KCNMB2: variants seen among roughly 807,000 people sequenced by gnomAD.
KCNMB2 encodes potassium calcium-activated channel subfamily M regulatory beta subunit 2, also known as calcium-activated potassium channel subunit beta-2.
KCNMB2 carries 9 observed loss-of-function variants against 24.5 expected under a neutral mutation model. The ratio of observed to expected loss-of-function variants is 0.37; its 90% CI spans 0.22 to 0.64. KCNMB2 has a LOEUF of 0.64. Among genes scored for constraint, KCNMB2 ranks in the 30% least tolerant of loss-of-function variants. The pLI is 0.63. For missense variants in KCNMB2, 226 were observed against 284.3 expected (o/e 0.79, Z 1.47); for synonymous variants, 109 against 104.4 (o/e 1.04, Z -0.27).
intron 2 of KCNMB2, among the ~76,000 whole-genome samples, chr3:178,811,754 A>T (rs1285564115): frequency 6.6e-6 from 1 of 152,230 alleles, no homozygotes; most frequent in Non-Finnish European, 1.5e-5. Context: ...TCAAAAGTAC[A>T]CGCAGCTTTA....
At chr3:178,823,182 A>G (rs1309313456) in intron 2 of KCNMB2, among the ~76,000 whole-genome samples, 1 of 152,218 alleles carries the variant, frequency 6.6e-6, no homozygotes, top group Admixed American at 6.5e-5. Flanking sequence ...TAAATCCTAG[A>G]ATTTCCAAAC....
At chr3:178,670,323 A>G (rs886375455) in intron 1 of KCNMB2, among the ~76,000 whole-genome samples, 2 of 152,142 alleles carry the variant, frequency 1.3e-5, no homozygotes, top group African/African-American at 2.4e-5. Context: ...ACTAGATATC[A>G]TTAACACCAG....
Position 178,615,843 on chromosome 3 carries a change from T to C in KCNMB2, c.-68+79132T>C, listed in dbSNP as rs780819305. Among the ~76,000 whole-genome samples the C allele has an allele frequency of 1.0e-3, 159 of 152,266 alleles. 1 individual carries two copies. Among genetic ancestry groups the C allele is most frequent in the Admixed American group, 9.8e-4 (15 of 15,300 alleles). ...GCCTTGATACAGTACCTGAGTATCA[T>C]TGCTTGTTATTCAGGGCCCAAGGCT... On this transcript the variant is annotated intron_variant, in intron 1 of 4. Coordinates refer to ENST00000452583, the MANE Select transcript of KCNMB2 (RefSeq NM_181361.3).
chr3:178,766,332 T>G (rs1712119930), intron 1 of KCNMB2, among the ~76,000 whole-genome samples: 1 of 152,118 alleles, frequency 6.6e-6, no homozygotes, highest in African/African-American at 2.4e-5. Flanking sequence ...TAGCTAAAAC[T>G]AGAGGTGTAT....
intron 1 of KCNMB2, among the ~76,000 whole-genome samples, chr3:178,662,149 A>G (rs1303075699): frequency 6.6e-6 from 1 of 152,222 alleles, no homozygotes; most frequent in African/African-American, 2.4e-5. Context: ...TTTATATGCT[A>G]AAGTATTGAA....
At chr3:178,556,929 G>A (rs1164402330) in intron 1 of KCNMB2, among the ~76,000 whole-genome samples, 1 of 152,192 alleles carries the variant, frequency 6.6e-6, no homozygotes, top group Non-Finnish European at 1.5e-5. Context: ...CCATTGAGAA[G>A]ATAAAGTGGG....
intron 1 of KCNMB2, among the ~76,000 whole-genome samples, chr3:178,581,890 G>A (rs1371131009): frequency 1.3e-5 from 2 of 152,202 alleles, no homozygotes; most frequent in Non-Finnish European, 2.9e-5. Context: ...AGGATGTGGA[G>A]AAATAGGAAT....
intron 2 of KCNMB2, among the ~76,000 whole-genome samples, chr3:178,814,261 C>T (rs899786246): frequency 7.2e-5 from 11 of 152,050 alleles, no homozygotes; most frequent in African/African-American, 1.9e-4. Context: ...ATTTGGTTTT[C>T]GGTTTCTGTG....
At chr3:178,676,571 G>A (rs2108589003) in intron 1 of KCNMB2, among the ~76,000 whole-genome samples, 1 of 152,194 alleles carries the variant, frequency 6.6e-6, no homozygotes, top group African/African-American at 2.4e-5. Flanking sequence ...ACCACCTCCT[G>A]CCTCCCAAGA....
chr3:178,774,664 G>A (rs903623293), intron 1 of KCNMB2, among the ~76,000 whole-genome samples: 2 of 152,202 alleles, frequency 1.3e-5, no homozygotes, highest in Admixed American at 6.5e-5. Context: ...GCTCTGGACT[G>A]TAATGAAGGC....
At chr3:178,603,591 T>A (rs1056421687) in intron 1 of KCNMB2, among the ~76,000 whole-genome samples, 1 of 152,066 alleles carries the variant, frequency 6.6e-6, no homozygotes, top group Non-Finnish European at 1.5e-5. Flanking sequence ...CAGGAGGAGA[T>A]GATGCTCTAC....
intron 1 of KCNMB2, among the ~76,000 whole-genome samples, chr3:178,673,180 C>T (rs1720964460): frequency 2.6e-5 from 4 of 152,140 alleles, no homozygotes; most frequent in Admixed American, 2.0e-4. Context: ...AAAACCTCAA[C>T]CCTAGTTAAA....
chr3:178,737,154 C>T (rs1185838683), intron 1 of KCNMB2, among the ~76,000 whole-genome samples: 2 of 152,102 alleles, frequency 1.3e-5, no homozygotes, highest in African/African-American at 2.4e-5. Flanking sequence ...CCTGTAATCC[C>T]AACTGCTCGG....
intron 1 of KCNMB2, among the ~76,000 whole-genome samples, chr3:178,573,369 G>A (rs898749889): frequency 1.3e-5 from 2 of 152,034 alleles, no homozygotes; most frequent in East Asian, 1.9e-4. Flanking sequence ...CAGTAGTATA[G>A]ATATTAATAA....
chr3:178,839,526 A>G (rs778330801), intron 4 of KCNMB2, among the ~76,000 whole-genome samples: 9 of 152,176 alleles, frequency 5.9e-5, no homozygotes, highest in Non-Finnish European at 1.0e-4. Context: ...ACTGCTAGAA[A>G]GAACAACTGA....
At chr3:178,635,662 T>C (rs745769447) in intron 1 of KCNMB2, among the ~76,000 whole-genome samples, 10 of 152,218 alleles carry the variant, frequency 6.6e-5, no homozygotes, top group African/African-American at 1.4e-4. Context: ...CCTTCTTCAT[T>C]CAGGCTGTGT....
At chr3:178,666,768 T>G (rs570959451) in intron 1 of KCNMB2, among the ~76,000 whole-genome samples, 1 of 152,270 alleles carries the variant, frequency 6.6e-6, no homozygotes, top group Admixed American at 6.5e-5. Context: ...GCCATTGCTG[T>G]CCCAATTACC....
At chr3:178,540,065 A>T (rs748543377) in intron 1 of KCNMB2, among the ~76,000 whole-genome samples, 1 of 152,148 alleles carries the variant, frequency 6.6e-6, no homozygotes, top group Non-Finnish European at 1.5e-5. Flanking sequence ...GGCATCTCAC[A>T]CAGGATATGT....
chr3:178,590,228 A>G (rs964541971), intron 1 of KCNMB2, among the ~76,000 whole-genome samples: 21 of 152,186 alleles, frequency 1.4e-4, no homozygotes, highest in Admixed American at 6.5e-4. Flanking sequence ...ACAAATATTC[A>G]TTGAGAAAAA....
Sources: allele counts gnomAD v4.1 joint callset (sites outside exome capture counted in the v4.1 genomes callset), GRCh38; gene constraint gnomAD v4.1.1; transcripts MANE v1.5; gene names NCBI Gene and HGNC (gene_info 2026-07-23, HGNC 2026-07-21).